Variants in MTUS2 observed in about 807,000 individuals in gnomAD.
The protein encoded by MTUS2 is microtubule associated scaffold protein 2.
Under a neutral mutation model 114.1 loss-of-function variants are expected in MTUS2, and 40 were observed. The ratio of observed to expected loss-of-function variants is 0.35; its 90% confidence interval spans 0.27 to 0.46. MTUS2 has a LOEUF of 0.46. Ranked by LOEUF, MTUS2 falls within the 20% of genes least tolerant of loss-of-function variation. The pLI is 1.00. For synonymous variants in MTUS2, 688 were observed against 672.0 expected (o/e 1.02, Z -0.37); for missense variants, 1,679 against 1,705.4 (o/e 0.98, Z 0.27).
chr13:29,307,571 T>G, intron 6 of MTUS2: 1 of 1,240,096 alleles, frequency 8.1e-7, no homozygotes, highest in Non-Finnish European at 1.2e-6. Flanking sequence ...GTAAAGCAGG[T>G]GTCAGAGGGC....
intron 8 of MTUS2, among the ~76,000 whole-genome samples, chr13:29,416,809 A>G (rs1465152828): frequency 6.7e-6 from 1 of 149,182 alleles, no homozygotes; most frequent in African/African-American, 2.4e-5. Flanking sequence ...TAATTAAGTG[A>G]CCTTTTTGCC....
chr13:29,459,206 C>T (rs1303892404), intron 9 of MTUS2, among the ~76,000 whole-genome samples: 1 of 152,092 alleles, frequency 6.6e-6, no homozygotes, highest in Non-Finnish European at 1.5e-5. Flanking sequence ...CAATTATTCA[C>T]AAAATAAAGA....
At position 29,025,108 on chromosome 13, in the gene MTUS2, A is replaced by G. The variant is rs751304053; in HGVS notation, c.410A>G (p.Asn137Ser). Residue 137 changes from asparagine (N) to serine (S), a missense_variant, in exon 3 of 16, where the codon AAT (asparagine) becomes AGT (serine). Physicochemically the swap from Asn to Ser is conservative, Grantham distance 46 (BLOSUM62 1). This residue lies in a region of MTUS2 where 843 missense variants were observed against 770.8 expected (regional missense o/e 1.09). Transcript: ENST00000612955. ...IQGPSLSSWR[N>S]VMSEASLDVL... ...GGACCAAGTCTGTCGAGTTGGAGGA[A>G]TGTGATGAGTGAGGCCAGTCTAGAC... 39 of 1,613,840 alleles carry G rather than the reference A, an allele frequency of 2.4e-5. No individual in the cohort carries two copies. The Admixed American group carries it at 6.2e-4, about 26-fold the overall frequency.
intron 6 of MTUS2, among the ~76,000 whole-genome samples, chr13:29,287,375 A>G (rs780991475): frequency 1.3e-5 from 2 of 152,058 alleles, no homozygotes; most frequent in African/African-American, 2.4e-5. Flanking sequence ...GGATGCCTTA[A>G]CCTCTGTGTG....
chr13:29,310,934 CA>C, intron 6 of MTUS2, among the ~76,000 whole-genome samples: 1 of 152,284 alleles, frequency 6.6e-6, no homozygotes, highest in Admixed American at 6.5e-5. Context: ...CTGTTCAAAG[CA>C]GCATTGTTCA....
At chr13:28,901,451 A>G (rs1486837219) in intron 2 of MTUS2, among the ~76,000 whole-genome samples, 1 of 152,208 alleles carries the variant, frequency 6.6e-6, no homozygotes, top group Non-Finnish European at 1.5e-5. Context: ...CTTAGATCCC[A>G]AAGATTTTCT....
At chr13:29,407,520 C>T (rs9579369) in intron 8 of MTUS2, among the ~76,000 whole-genome samples, 121 of 150,450 alleles carry the variant, frequency 8.0e-4, no homozygotes, top group African/African-American at 2.8e-3. Context: ...TCTTGTTGCC[C>T]AGGCTGGAGT....
chr13:29,060,410 T>C (rs1231988215), intron 4 of MTUS2, among the ~76,000 whole-genome samples: 2 of 152,004 alleles, frequency 1.3e-5, no homozygotes, highest in Non-Finnish European at 2.9e-5. Flanking sequence ...AAGTTGCTGG[T>C]TTTTTGCAAG....
chr13:29,466,212 C>T (rs762265253), intron 9 of MTUS2, among the ~76,000 whole-genome samples: 1 of 152,218 alleles, frequency 6.6e-6, no homozygotes, highest in Non-Finnish European at 1.5e-5. Context: ...TGGAAATGTG[C>T]CATATGCCTG....
At chr13:29,081,281 A>G (rs1446686859) in intron 4 of MTUS2, among the ~76,000 whole-genome samples, 1 of 152,136 alleles carries the variant, frequency 6.6e-6, no homozygotes, top group Non-Finnish European at 1.5e-5. Context: ...ATAAGGGGAA[A>G]TGAGAGCAGT....
intron 4 of MTUS2, among the ~76,000 whole-genome samples, chr13:29,042,933 T>C (rs1254152139): frequency 7.9e-5 from 12 of 152,130 alleles, no homozygotes; most frequent in Admixed American, 2.6e-4. Flanking sequence ...GTTTCATTTA[T>C]CTTTTGTATA....
chr13:29,206,562 T>A (rs1454429819), intron 5 of MTUS2, among the ~76,000 whole-genome samples: 2 of 152,232 alleles, frequency 1.3e-5, no homozygotes, highest in Non-Finnish European at 2.9e-5. Flanking sequence ...AAGTCTTTAA[T>A]CCATCTTGAG....
chr13:29,398,817 C>A (rs1015741026), intron 8 of MTUS2, among the ~76,000 whole-genome samples: 2 of 152,118 alleles, frequency 1.3e-5, no homozygotes, highest in African/African-American at 4.8e-5. Context: ...GAGACAACAA[C>A]AGAACCACAT....
rs1178752912 is a variant in MTUS2, at chr13:29,194,688, G to A, written c.2645-87016G>A. Among the ~76,000 whole-genome samples, 9 of 147,268 alleles carry A rather than the reference G, an allele frequency of 6.1e-5. No individual in the cohort carries two copies. The East Asian group carries it at 1.8e-3, about 30-fold the overall frequency. On this transcript the variant is annotated intron_variant, in intron 5 of 15. Transcript: ENST00000612955. ...CAACCATTGTGGAAGTCAGTGTGGC[G>A]ATTCCTCAGGGATCTAGAACTAGAA...
chr13:28,853,083 C>T (rs1250539674), intron 2 of MTUS2, among the ~76,000 whole-genome samples: 2 of 134,908 alleles, frequency 1.5e-5, no homozygotes, highest in Non-Finnish European at 3.3e-5. Context: ...TCAACAGTTA[C>T]TTAAATGTTC....
intron 9 of MTUS2, among the ~76,000 whole-genome samples, chr13:29,462,458 A>G (rs895597396): frequency 2.0e-5 from 3 of 152,130 alleles, no homozygotes; most frequent in African/African-American, 4.8e-5. Context: ...TGGAGAGAAA[A>G]CAGTTGGGGC....
intron 5 of MTUS2, among the ~76,000 whole-genome samples, chr13:29,166,878 A>G (rs564526046): frequency 6.6e-6 from 1 of 152,334 alleles, no homozygotes; most frequent in East Asian, 1.9e-4. Flanking sequence ...TCATGTTTTT[A>G]AAGTAAATGT....
chr13:28,887,049 C>T (rs114600507), intron 2 of MTUS2, among the ~76,000 whole-genome samples: 34 of 152,222 alleles, frequency 2.2e-4, no homozygotes, highest in Admixed American at 3.3e-4. Context: ...ACGTGAGGTT[C>T]GAGTTGGAGA....
rs1296627054 is a variant in MTUS2 at position 29,024,832 on chromosome 13, G to C, written c.134G>C (p.Ser45Thr). The change falls in exon 3 of 16, where the codon AGC becomes ACC. Residue 45 changes from serine to threonine, a missense_variant. Transcript: ENST00000612955. ...TNANQIMLEV[S>T]SSHDESKTCD... ...GCCAATCAAATCATGTTGGAGGTCA[G>C]CTCCTCTCATGACGAGTCCAAGACA... 1 of 1,614,026 alleles carries C rather than the reference G, an allele frequency of 6.2e-7. No homozygotes were observed. Among genetic ancestry groups the C allele is most frequent in the East Asian group, 2.2e-5 (1 of 44,872 alleles).
Sources: allele counts gnomAD v4.1 joint callset (sites outside exome capture counted in the v4.1 genomes callset), GRCh38; gene constraint gnomAD v4.1.1; regional missense constraint gnomAD v4.1.1; transcripts MANE v1.5; gene names NCBI Gene and HGNC (gene_info 2026-07-23, HGNC 2026-07-21).